Variants in LEKR1 observed in about 807,000 individuals in gnomAD.
LEKR1 encodes protein LEKR1.
In LEKR1, 59 loss-of-function variants were observed where a neutral mutation model predicts 72.4. The ratio of observed to expected loss-of-function variants is 0.82; its 90% CI spans 0.66 to 1.01. The LOEUF is 1.01. Among genes scored for constraint, LEKR1 ranks in the 50% least tolerant of loss-of-function variants. The pLI is 0.00. For synonymous variants in LEKR1, 257 were observed against 263.2 expected, an observed-to-expected ratio of 0.98 and a Z score of 0.23; for missense variants, 728 against 759.2, an observed-to-expected ratio of 0.96 and a Z score of 0.48.
At chr3:156,888,852 A>C (rs1186540540) in intron 3 of LEKR1, among the ~76,000 whole-genome samples, 1 of 152,234 alleles carries the variant, frequency 6.6e-6, no homozygotes, top group Non-Finnish European at 1.5e-5. Flanking sequence ...AGCAAATTAG[A>C]ATATGAGCTG....
rs1334117316 is a variant in LEKR1, at chr3:156,852,987, A to G, written c.263+5A>G. ...CAACAAATCCAAAACAGAAAGGTTG[A>G]GTATGTTTTTCTTTTCTATCATTTA... On this transcript the variant is annotated splice_donor_5th_base_variant and intron_variant, in intron 3 of 12. Transcript: ENST00000356539. 2 of 1,515,744 alleles carry G rather than the reference A, an allele frequency of 1.3e-6. No homozygotes were observed. The highest frequency in any genetic ancestry group is 8.9e-7 in the Non-Finnish European group (1 of 1,129,580). The allele number at this position is 1,515,744 out of a possible 1,614,324, so 93.9% of individuals were successfully genotyped here. A position where few individuals can be genotyped will look rare whatever the true frequency, so the allele number is the denominator to read the frequency against.
At chr3:156,990,029 CT>C (rs1485438838) in intron 7 of LEKR1, among the ~76,000 whole-genome samples, 1 of 152,188 alleles carries the variant, frequency 6.6e-6, no homozygotes, top group African/African-American at 2.4e-5. Flanking sequence ...ATTTTCTCTT[CT>C]AGTACAGGAT....
At chr3:156,830,057 G>T (rs2653817) in intron 2 of LEKR1, among the ~76,000 whole-genome samples, 2 of 152,034 alleles carry the variant, frequency 1.3e-5, no homozygotes, top group Non-Finnish European at 2.9e-5. Context: ...AAGAAACTAC[G>T]TGGTGCTATT....
At chr3:156,856,567 G>T (rs62275164) in intron 3 of LEKR1, among the ~76,000 whole-genome samples, 1 of 151,894 alleles carries the variant, frequency 6.6e-6, no homozygotes, top group Non-Finnish European at 1.5e-5. Context: ...TAATCTTAAG[G>T]CTTCTTATCC....
chr3:156,987,712 T>C (rs1427099663), intron 7 of LEKR1, among the ~76,000 whole-genome samples: 3 of 152,222 alleles, frequency 2.0e-5, no homozygotes, highest in Non-Finnish European at 2.9e-5. Flanking sequence ...GTTTTACATA[T>C]AAGACACCTA....
chr3:156,846,958 G>T (rs561998631), intron 2 of LEKR1, among the ~76,000 whole-genome samples: 1 of 152,146 alleles, frequency 6.6e-6, no homozygotes, highest in East Asian at 1.9e-4. Context: ...GACTGCAGGC[G>T]CACACCACCA....
chr3:157,010,047 G>A (rs533001316), intron 9 of LEKR1, among the ~76,000 whole-genome samples: 2 of 151,740 alleles, frequency 1.3e-5, no homozygotes, highest in Admixed American at 6.6e-5. Flanking sequence ...AATATCTGAG[G>A]GATCTGTAGT....
intron 6 of LEKR1, among the ~76,000 whole-genome samples, chr3:156,946,040 T>C (rs1195794948): frequency 6.6e-6 from 1 of 151,656 alleles, no homozygotes; most frequent in Non-Finnish European, 1.5e-5. Context: ...TTGCTTTGGG[T>C]AGTATGGACA....
At chr3:156,989,511 T>A (rs775444174) in intron 7 of LEKR1, among the ~76,000 whole-genome samples, 12 of 152,210 alleles carry the variant, frequency 7.9e-5, no homozygotes, top group Non-Finnish European at 1.8e-4. Context: ...ATAGTGGGTA[T>A]TATAACTTTT....
intron 6 of LEKR1, among the ~76,000 whole-genome samples, chr3:156,973,544 CAA>C (rs899784733): frequency 6.6e-6 from 1 of 151,968 alleles, no homozygotes; most frequent in Non-Finnish European, 1.5e-5. Context: ...AGAATATTGC[CAA>C]GAGAGAGAAA....
At chr3:156,988,711 A>G (rs1309225047) in intron 7 of LEKR1, 3 of 224,654 alleles carry the variant, frequency 1.3e-5, no homozygotes, top group African/African-American at 6.9e-5. Flanking sequence ...TCTGGCCTCC[A>G]TTTCTCAGTC....
chr3:156,843,660 A>G (rs1224614275), intron 2 of LEKR1, among the ~76,000 whole-genome samples: 1 of 152,154 alleles, frequency 6.6e-6, no homozygotes, highest in Non-Finnish European at 1.5e-5. Flanking sequence ...TAACAGTTTT[A>G]TATTTCCAAG....
At chr3:156,882,750 G>T (rs1375252093) in intron 3 of LEKR1, among the ~76,000 whole-genome samples, 1 of 152,150 alleles carries the variant, frequency 6.6e-6, no homozygotes, top group Non-Finnish European at 1.5e-5. Context: ...TTGGAACCAA[G>T]CCAAATGTCC....
In LEKR1 at chr3:156,968,185, A is replaced by G. The variant is rs571708313; in HGVS notation, c.746-11009A>G. Among the ~76,000 whole-genome samples, 63 of 152,366 alleles carry G rather than the reference A, an allele frequency of 4.1e-4. 1 individual carries two copies. In the South Asian group the frequency reaches 0.012, roughly 28 times the overall value. On this transcript the variant is annotated intron_variant, in intron 6 of 12. Transcript: ENST00000356539. ...GCTGCAAAAACATGACAAATTGTAA[A>G]GACCATCGAGGCTAGGAAGAAACTG...
At chr3:156,836,518 C>T (rs1020885993) in intron 2 of LEKR1, among the ~76,000 whole-genome samples, 3 of 152,174 alleles carry the variant, frequency 2.0e-5, no homozygotes, top group Non-Finnish European at 4.4e-5. Context: ...CAACTTTTAA[C>T]CATAGAGCTT....
rs747360251 is a variant in LEKR1 at position 157,028,329 on chromosome 3, A to G, written c.1595A>G (p.Lys532Arg). ...AACTTGAGGAAGGAAATGGAACAGA[A>G]GTCGGATGAACTGAAAAGAGTAATG... ...SENLRKEMEQKSDELKRVMLA... is the reference protein window; with the variant it reads ...SENLRKEMEQRSDELKRVMLA... The change falls in exon 12 of 13, where the codon AAG (lysine) becomes AGG (arginine). Residue 532 changes from lysine to arginine, a missense_variant. Physicochemically the swap from Lys to Arg is conservative, Grantham distance 26. Coordinates refer to ENST00000356539, the MANE Select transcript of LEKR1 (RefSeq NM_001004316.3). The G allele has an allele frequency of 1.9e-6, 3 of 1,613,410 alleles. No homozygotes were observed. The East Asian group carries it at 6.7e-5, about 36-fold the overall frequency.
chr3:156,923,731 A>AT (rs35293525), intron 4 of LEKR1, among the ~76,000 whole-genome samples: 267 of 146,738 alleles, frequency 1.8e-3, no homozygotes, highest in African/African-American at 5.0e-3. Context: ...TGTATATTTA[A>AT]TTTTTTTTTT....
chr3:157,011,414 G>T lies in LEKR1; in HGVS notation c.1111G>T (p.Glu371Ter). 6.2e-7 allele frequency: 1 copy of T among 1,610,690 alleles called. No homozygotes were observed. Among genetic ancestry groups the T allele is most frequent in the South Asian group, 1.1e-5 (1 of 90,964 alleles). Residue 371 changes from glutamate (E) to a stop codon, truncating the protein, a stop_gained and splice_region_variant, in exon 10 of 13, where the codon GAA becomes TAA. Transcript: ENST00000356539. LOFTEE classifies it high-confidence loss of function. ...EEVLTLKNER[E>*]LMLISHQKSI... is the part of the protein sequence containing the mutation. Reference sequence around the variant, plus strand: ...ATTTGTCGGGTTTGTGATTTTCAGGGAATTGATGCTGATTTCACATCAGAA... The same window carrying T: ...ATTTGTCGGGTTTGTGATTTTCAGGTAATTGATGCTGATTTCACATCAGAA...
intron 6 of LEKR1, among the ~76,000 whole-genome samples, chr3:156,962,952 A>G (rs1419554939): frequency 6.6e-6 from 1 of 152,130 alleles, no homozygotes; most frequent in Non-Finnish European, 1.5e-5. Flanking sequence ...CCTTGGGAAT[A>G]AATTTTAGAC....
Sources: gnomAD v4.1 joint callset for allele counts (sites outside exome capture counted in the v4.1 genomes callset) on GRCh38, gnomAD v4.1.1 for gene constraint, MANE v1.5 for transcripts, NCBI Gene and HGNC (gene_info 2026-07-23, HGNC 2026-07-21) for gene names.